Variants in FLII observed in about 807,000 individuals in gnomAD.
FLII encodes the protein FLII actin remodeling protein.
Under a neutral mutation model 156.2 loss-of-function variants are expected in FLII, and 101 were observed. The ratio of observed to expected loss-of-function variants is 0.65; its 90% CI spans 0.55 to 0.76. The LOEUF (loss-of-function observed/expected upper bound fraction) is 0.76. Among genes scored for constraint, FLII ranks in the 30% least tolerant of loss-of-function variants. The pLI is 0.00. For missense variants in FLII, 1,675 were observed against 1,682.8 expected (o/e 1.00, Z 0.08); for synonymous variants, 767 against 685.8 (o/e 1.12, Z -1.85).
intron 3 of FLII, among the ~76,000 whole-genome samples, chr17:18,255,806 C>T (rs572120728): frequency 3.9e-5 from 6 of 152,358 alleles, no homozygotes; most frequent in Admixed American, 6.5e-5. Context: ...AATGCCTGTG[C>T]GGCACCCTGC....
chr17:18,245,631 A>G lies in FLII; in HGVS notation c.3533T>C (p.Val1178Ala). Residue 1178 changes from valine (V) to alanine (A), a missense_variant, in exon 28 of 30, where the codon GTG (valine) becomes GCG (alanine). By Grantham distance (64) the Val-to-Ala change is moderately conservative. Transcript: ENST00000327031. ...GCAAAAGTCGGAGCATTTCTCAGTC[A>G]CTGCAAAGTAGCCCTTCTCGTTGGA... is the stretch of plus-strand genomic sequence containing the variant. ...RCSNEKGYFA[V>A]TEKCSDFCQD... 1 of 1,613,782 alleles carries G rather than the reference A, an allele frequency of 6.2e-7. No individual in the cohort carries two copies. Among genetic ancestry groups the G allele is most frequent in the Non-Finnish European group, 8.5e-7 (1 of 1,179,972 alleles).
intron 3 of FLII, among the ~76,000 whole-genome samples, chr17:18,255,966 C>T (rs1567718202): frequency 6.6e-6 from 1 of 152,256 alleles, no homozygotes; most frequent in Non-Finnish European, 1.5e-5. Flanking sequence ...AAGCTGTGCC[C>T]TAAACATCTC....
intron 1 of FLII, chr17:18,257,338 A>T (rs996483227): frequency 3.1e-6 from 1 of 321,808 alleles, no homozygotes; most frequent in Non-Finnish European, 5.8e-6. Flanking sequence ...AAATTCCTTC[A>T]CCTAGCATTC....
intron 9 of FLII, 91 bp downstream of exon 9, chr17:18,253,210 G>T: frequency 1.5e-6 from 2 of 1,355,480 alleles, no homozygotes; most frequent in South Asian, 1.2e-5. Context: ...CATTTTGTCT[G>T]ACTTGCACAG....
Position 18,246,730 on chromosome 17 carries a change from T to G in FLII, c.2915A>C (p.Glu972Ala). 6.2e-7 allele frequency: 1 copy of G among 1,613,582 alleles called. No individual in the cohort carries two copies. The highest frequency in any genetic ancestry group is 1.7e-5 in the Admixed American group (1 of 59,900). The change falls in exon 23 of 30, where the codon GAG (glutamate) becomes GCG (alanine). Residue 972 changes from glutamate (E) to alanine (A), a missense_variant. Around this residue, in one of 2 missense-constraint regions of FLII, gnomAD observed 1,332 missense variants for 1,269.3 expected, o/e 1.05. Transcript: ENST00000327031. The part of the protein sequence containing the change: ...KEGEEATAEA[E>A]EKQPEEDFQC... ...GAAGTCCTCCTCTGGCTGCTTCTCC[T>G]CTGCCTCAGCGGTTGCTTCCTCGCC...
rs759541043 is a variant in FLII at position 18,252,469 on chromosome 17, G to A, written c.1098+3C>T. ...GAGCCCTCTCAAACCCAGCATGCCT[G>A]ACCTCGATCTCCGTCAGGAAATGGA... On this transcript the variant is annotated splice_donor_region_variant and intron_variant, in intron 10 of 29. Transcript: ENST00000327031. 6.2e-7 allele frequency: 1 copy of A among 1,613,388 alleles called. No homozygotes were observed. Among genetic ancestry groups the A allele is most frequent in the Non-Finnish European group, 8.5e-7 (1 of 1,179,692 alleles).
intron 1 of FLII, among the ~76,000 whole-genome samples, chr17:18,257,499 G>A (rs1325956883): frequency 1.3e-5 from 2 of 152,248 alleles, no homozygotes; most frequent in Non-Finnish European, 2.9e-5. Flanking sequence ...CCACCCTGCA[G>A]GGCAGGCCAG....
chr17:18,258,606 G>A lies in FLII; in HGVS notation c.63+22C>T. 1 of 1,548,834 alleles carries A rather than the reference G, an allele frequency of 6.5e-7. No homozygotes were observed. Among genetic ancestry groups the A allele is most frequent in the Non-Finnish European group, 8.6e-7 (1 of 1,156,914 alleles). ...AAGAGAAGGCCTGCAGGGAGGCCCGGCACGCGCCCGGCCCGGCTCACCTTG... is the reference window on the plus strand; with the variant it reads ...AAGAGAAGGCCTGCAGGGAGGCCCGACACGCGCCCGGCCCGGCTCACCTTG... On this transcript the variant is annotated intron_variant, in intron 1 of 29. Coordinates refer to ENST00000327031, the MANE Select transcript of FLII (RefSeq NM_002018.4). This position sits in a 1 kb window ranked among gnomAD's most constrained non-coding sequence, Gnocchi z 4.2.
In FLII at chr17:18,245,616, G is replaced by C; in HGVS notation, c.3548C>G (p.Ser1183Cys). 6.2e-7 allele frequency: 1 copy of C among 1,613,878 alleles called. No homozygotes were observed. Among genetic ancestry groups the C allele is most frequent in the Non-Finnish European group, 8.5e-7 (1 of 1,180,020 alleles). Residue 1183 changes from serine (S) to cysteine (C), a missense_variant, in exon 28 of 30, where the codon TCC (serine) becomes TGC (cysteine). Ser to Cys is a moderately radical substitution (Grantham distance 112, BLOSUM62 -1). Coordinates refer to ENST00000327031, the MANE Select transcript of FLII (RefSeq NM_002018.4). ...TGCCAGGTCATCTTGGCAAAAGTCGGAGCATTTCTCAGTCACTGCAAAGTA... is the reference window on the plus strand; with the variant it reads ...TGCCAGGTCATCTTGGCAAAAGTCGCAGCATTTCTCAGTCACTGCAAAGTA... ...KGYFAVTEKC[S>C]DFCQDDLADD...
At position 18,249,335 on chromosome 17, in the gene FLII, T is replaced by A. The variant is rs543673158; in HGVS notation, c.1850A>T (p.Tyr617Phe). The A allele has an allele frequency of 3.1e-6, 5 of 1,613,602 alleles. No individual in the cohort carries two copies. The South Asian group carries it at 5.5e-5, about 18-fold the overall frequency. Residue 617 changes from tyrosine to phenylalanine, a missense_variant, in exon 15 of 30, where the codon TAT (tyrosine) becomes TTT (phenylalanine). Transcript: ENST00000327031. ...GCCCACACACCCTCACCTGGTGACA[T>A]AGTGTGTGTCTTCCACAGTGTAGAA... ...SGFYTVEDTH[Y>F]VTRMYRVYGK...
rs778191743 is a variant in FLII at position 18,245,600 on chromosome 17, A to G, written c.3564T>C (p.Asp1188=). ...ACATGATGTCATCATCTGCCAGGTC[A>G]TCTTGGCAAAAGTCGGAGCATTTCT... The part of the protein sequence containing the change: ...VTEKCSDFCQ[D]DLADDDIMLL... The change falls in exon 28 of 30, where the codon GAT becomes GAC. Residue 1188 remains aspartate (D), a synonymous_variant. Transcript: ENST00000327031. 2.5e-6 allele frequency: 4 copies of G among 1,613,974 alleles called. No individual in the cohort carries two copies. Among genetic ancestry groups the G allele is most frequent in the African/African-American group, 1.3e-5 (1 of 75,018 alleles).
intron 3 of FLII, 47 bp from the exon 4 acceptor site, chr17:18,255,310 G>T: frequency 6.7e-7 from 1 of 1,503,176 alleles, no homozygotes; most frequent in South Asian, 1.2e-5. Context: ...TCCACTCTCA[G>T]GAAGGAACAG....
At position 18,252,507 on chromosome 17, in the gene FLII, G is replaced by A. The variant is rs1567714207; in HGVS notation, c.1063C>T (p.Leu355Phe). 6.2e-7 allele frequency: 1 copy of A among 1,613,652 alleles called. No individual in the cohort carries two copies. Among genetic ancestry groups the A allele is most frequent in the African/African-American group, 1.3e-5 (1 of 74,910 alleles). ...LVLNKNHLVT[L>F]PEAIHFLTEI... ...GTCAGGAAATGGATGGCTTCTGGGA[G>A]GGTCACCAGGTGGTTCTTGTTCAGG... Residue 355 changes from leucine (L) to phenylalanine (F), a missense_variant, in exon 10 of 30, where the codon CTC (leucine) becomes TTC (phenylalanine). By Grantham distance (22) the Leu-to-Phe change is conservative (BLOSUM62 0). Around this residue, in one of 2 missense-constraint regions of FLII, gnomAD observed 1,332 missense variants for 1,269.3 expected, o/e 1.05. Coordinates refer to ENST00000327031, the MANE Select transcript of FLII (RefSeq NM_002018.4).
intron 13 of FLII, 103 bp downstream of exon 13, chr17:18,251,162 C>A: frequency 6.9e-7 from 1 of 1,443,356 alleles, no homozygotes; most frequent in Non-Finnish European, 9.4e-7. Context: ...GCCTGCCCAC[C>A]TCCCACCTGG....
At position 18,246,576 on chromosome 17, in the gene FLII, C is replaced by A; in HGVS notation, c.3051+18G>T. The A allele has an allele frequency of 1.2e-6, 2 of 1,613,154 alleles. No individual in the cohort carries two copies. The highest frequency in any genetic ancestry group is 1.7e-6 in the Non-Finnish European group (2 of 1,179,420). On this transcript the variant is annotated intron_variant, in intron 23 of 29. Coordinates refer to ENST00000327031, the MANE Select transcript of FLII (RefSeq NM_002018.4). Reference sequence around the variant, plus strand: ...ACCCCTCCGCCTGGCCTCGGGCTCGCGGGGCTGCCAGGCACACCTCCAGCT... The same window carrying A: ...ACCCCTCCGCCTGGCCTCGGGCTCGAGGGGCTGCCAGGCACACCTCCAGCT...
Position 18,245,438 on chromosome 17 carries a change from A to AGAT in FLII, c.3610-22_3610-20dup, listed in dbSNP as rs2048002925. On this transcript the variant is annotated intron_variant, in intron 28 of 29. Transcript: ENST00000327031. ...TGTAGACCTGTGGGGGCAGCAGGGG[A>AGAT]GATACGGTTGCATGGGTGCCTGGGA... 3 of 1,613,584 alleles carry AGAT rather than the reference A, an allele frequency of 1.9e-6. No individual in the cohort carries two copies. The highest frequency in any genetic ancestry group is 1.7e-6 in the Non-Finnish European group (2 of 1,179,588).
chr17:18,256,906 T>G lies in FLII; in HGVS notation c.174+3A>C. The stretch of plus-strand genomic sequence containing the variant: ...CCTCCCCTGCCCGCCCAAACCCCCT[T>G]ACCAGCTTCTGCAGGGCGGCCAGCT... On this transcript the variant is annotated splice_donor_region_variant and intron_variant, in intron 2 of 29. Transcript: ENST00000327031. 6.2e-7 allele frequency: 1 copy of G among 1,600,180 alleles called. No homozygotes were observed. Among genetic ancestry groups the G allele is most frequent in the Non-Finnish European group, 8.5e-7 (1 of 1,172,236 alleles).
At position 18,252,116 on chromosome 17, in the gene FLII, C is replaced by G; in HGVS notation, c.1129G>C (p.Val377Leu). The part of the protein sequence containing the change: ...VLDVRENPNL[V>L]MPPKPADRAA... ...CGGTCTGCGGGCTTGGGCGGCATGA[C>G]CAGGTTGGGGTTCTCCCGCACATCC... The change falls in exon 11 of 30, where the codon GTC becomes CTC. Residue 377 changes from valine (V) to leucine (L), a missense_variant. By Grantham distance (32) the Val-to-Leu change is conservative. Transcript: ENST00000327031. The G allele has an allele frequency of 6.2e-7, 1 of 1,613,384 alleles. No individual in the cohort carries two copies. Among genetic ancestry groups the G allele is most frequent in the Non-Finnish European group, 8.5e-7 (1 of 1,180,022 alleles).
At chr17:18,249,101 C>A (rs1203792822) in intron 16 of FLII, 26 bp downstream of exon 16, 4 of 1,602,416 alleles carry the variant, frequency 2.5e-6, no homozygotes, top group Non-Finnish European at 3.4e-6. Flanking sequence ...GATGAAGCAC[C>A]CCCACCTCAC....
Sources: gnomAD v4.1 joint callset for allele counts (sites outside exome capture counted in the v4.1 genomes callset) on GRCh38, gnomAD v4.1.1 for gene constraint, gnomAD v4.1.1 regional missense constraint, Gnocchi (gnomAD v3.1) non-coding constraint, MANE v1.5 for transcripts, NCBI Gene and HGNC (gene_info 2026-07-23, HGNC 2026-07-21) for gene names.